HIP1R: variants seen among roughly 807,000 people sequenced by gnomAD.
The protein encoded by HIP1R is huntingtin interacting protein 1 related.
A neutral mutation model predicts 144.2 loss-of-function variants in HIP1R; 135 were observed. The ratio of observed to expected loss-of-function variants is 0.94; its 90% CI spans 0.81 to 1.08. HIP1R has a LOEUF of 1.08. HIP1R is among the 50% of genes least tolerant of loss of function. The pLI, the probability that HIP1R is intolerant of heterozygous loss-of-function variation, is 0.00. For missense variants in HIP1R, 1,462 were observed against 1,432.8 expected (o/e 1.02, Z -0.33); for synonymous variants, 698 against 612.8 (o/e 1.14, Z -2.05).
In HIP1R at chr12:122,856,344, G is replaced by A. The variant is rs1490034709; in HGVS notation, c.1401G>A (p.Lys467=). 30 of 1,613,688 alleles carry A rather than the reference G, an allele frequency of 1.9e-5. No individual in the cohort carries two copies. The highest frequency in any genetic ancestry group is 2.5e-5 in the Non-Finnish European group (29 of 1,179,964). ...ATGTGCACGCGGAGCTGCTCAGAAAGGTAGGTGCAGCCCATCCTCCATCCC... is the reference window on the plus strand; with the variant it reads ...ATGTGCACGCGGAGCTGCTCAGAAAAGTAGGTGCAGCCCATCCTCCATCCC... The part of the protein sequence containing the change: ...LVHVHAELLR[K]NADTAKQLTV... Residue 467 remains lysine, a splice_region_variant and synonymous_variant, in exon 15 of 32, where the codon AAG becomes AAA. Transcript: ENST00000253083.
At chr12:122,858,707 CT>C in intron 20 of HIP1R, 130 bp from the exon 21 acceptor site, 2 of 738,710 alleles carry the variant, frequency 2.7e-6, no homozygotes, top group Non-Finnish European at 4.7e-6. Flanking sequence ...CCACTGCCTC[CT>C]GGACGTTGTC....
At chr12:122,841,372 T>C (rs1346451609) in intron 1 of HIP1R, among the ~76,000 whole-genome samples, 1 of 152,064 alleles carries the variant, frequency 6.6e-6, no homozygotes, top group Non-Finnish European at 1.5e-5. Context: ...GAGTGTGTCA[T>C]CTCCTTGCCG....
chr12:122,861,090 G>T, intron 29 of HIP1R, 41 bp from the exon 30 acceptor site: 1 of 1,613,572 alleles, frequency 6.2e-7, no homozygotes, highest in Non-Finnish European at 8.5e-7. Context: ...CTGAATGGGG[G>T]TGGGTGCCCA....
chr12:122,860,589 A>C, intron 27 of HIP1R, 66 bp downstream of exon 27: 1 of 1,571,006 alleles, frequency 6.4e-7, no homozygotes, highest in Non-Finnish European at 8.8e-7. Context: ...TTTGGGGTTC[A>C]ACAGGGTGCA....
In HIP1R at chr12:122,848,028, C is replaced by G; in HGVS notation, c.94-3C>G. Reference sequence around the variant, plus strand: ...CTAAACACTGCTCCTTTGTCCCTCACAGGCCATCAGCATCAGCAAAGCCAT... The same window carrying G: ...CTAAACACTGCTCCTTTGTCCCTCAGAGGCCATCAGCATCAGCAAAGCCAT... On this transcript the variant is annotated splice_polypyrimidine_tract_variant and splice_region_variant and intron_variant, in intron 1 of 31. Coordinates refer to ENST00000253083, the MANE Select transcript of HIP1R (RefSeq NM_003959.3). 6.2e-7 allele frequency: 1 copy of G among 1,613,578 alleles called. No homozygotes were observed. The highest frequency in any genetic ancestry group is 1.7e-5 in the Admixed American group (1 of 60,018).
intron 2 of HIP1R, 130 bp downstream of exon 2, chr12:122,848,224 G>A (rs2033267136): frequency 3.8e-6 from 4 of 1,039,132 alleles, no homozygotes; most frequent in African/African-American, 1.6e-5. Context: ...GGAGGGTCCT[G>A]TGCAGCTTGG....
Position 122,856,954 on chromosome 12 carries a change from C to T in HIP1R, c.1621-67C>T, listed in dbSNP as rs544278319. 47 of 1,043,626 alleles carry T rather than the reference C, an allele frequency of 4.5e-5. No homozygotes were observed. In the East Asian group the frequency reaches 6.4e-4, roughly 14 times the overall value. The allele number at this position is 1,043,626 out of a possible 1,614,324, so 64.6% of individuals were successfully genotyped here. On this transcript the variant is annotated intron_variant, in intron 17 of 31. Coordinates refer to ENST00000253083, the MANE Select transcript of HIP1R (RefSeq NM_003959.3). ...TAACCCCCAGGGCCCAGTTTATAAG[C>T]GTGGGGGCAGGGTGGGTGGGGCCTG...
rs1477863301 is a variant in HIP1R at position 122,855,861 on chromosome 12, G to A, written c.1086G>A (p.Glu362=). ...RDLQIESLKR[E]VEMLRSELEK... ...TCCAGATTGAGAGCTTGAAGAGAGA[G>A]GTGGAAATGCTCCGCTCTGAACTGG... The change falls in exon 13 of 32, where the codon GAG becomes GAA. Residue 362 remains glutamate (E), a synonymous_variant. Transcript: ENST00000253083. 2 of 1,566,842 alleles carry A rather than the reference G, an allele frequency of 1.3e-6. No individual in the cohort carries two copies. The highest frequency in any genetic ancestry group is 1.9e-5 in the Admixed American group (1 of 52,916).
intron 10 of HIP1R, 22 bp from the exon 11 acceptor site, chr12:122,855,243 G>A: frequency 3.1e-6 from 5 of 1,612,470 alleles, no homozygotes; most frequent in South Asian, 1.1e-5. Flanking sequence ...AGCTGAGCAG[G>A]TCCCACCTGC....
chr12:122,860,993 T>C lies in HIP1R; in HGVS notation c.2844T>C (p.Asn948=), dbSNP rs558614129. Reference sequence around the variant, plus strand: ...GCACAGTCAATGAGAGGGCTGCCAATGTGGTGGCCTCCACCAAGTCAGGCC... The same window carrying C: ...GCACAGTCAATGAGAGGGCTGCCAACGTGGTGGCCTCCACCAAGTCAGGCC... The part of the protein sequence containing the change: ...CSRTVNERAA[N]VVASTKSGQE... Residue 948 remains asparagine (N), a synonymous_variant, in exon 29 of 32, where the codon AAT becomes AAC. Transcript: ENST00000253083. The C allele has an allele frequency of 6.7e-5, 108 of 1,613,502 alleles. 1 individual carries two copies. In the East Asian group the frequency reaches 2.1e-3, roughly 31 times the overall value.
At chr12:122,834,892 A>G, upstream of HIP1R, 1 of 1,172,168 alleles carries the variant, frequency 8.5e-7, no homozygotes, top group Non-Finnish European at 1.1e-6. Context: ...CTTTTGACAC[A>G]TACATTAAGA....
At chr12:122,849,978 G>T in intron 5 of HIP1R, 23 bp downstream of exon 5, 6 of 1,550,616 alleles carry the variant, frequency 3.9e-6, no homozygotes, top group Non-Finnish European at 4.5e-6. Context: ...GGGGAGTCAT[G>T]GGGCTGAGGG....
chr12:122,838,721 C>T (rs1250571979), intron 1 of HIP1R, among the ~76,000 whole-genome samples: 2 of 152,130 alleles, frequency 1.3e-5, no homozygotes, highest in Admixed American at 1.3e-4. Flanking sequence ...TGAGATGGGG[C>T]GATTCTCCTG....
chr12:122,852,763 A>C (rs760422812), intron 7 of HIP1R, among the ~76,000 whole-genome samples: 1 of 152,094 alleles, frequency 6.6e-6, no homozygotes, highest in Non-Finnish European at 1.5e-5. Context: ...CGAATCTGGG[A>C]TGGCCGGGAA....
At position 122,859,090 on chromosome 12, in the gene HIP1R, G is replaced by C. The variant is rs773201634; in HGVS notation, c.2188G>C (p.Ala730Pro). 6.2e-7 allele frequency: 1 copy of C among 1,604,018 alleles called. No individual in the cohort carries two copies. The highest frequency in any genetic ancestry group is 1.1e-5 in the South Asian group (1 of 89,754). Reference protein sequence around the residue: ...RLIDTCRECGARALELMGQLQ... With the variant: ...RLIDTCRECGPRALELMGQLQ... ...CATAGACACCTGCAGGGAGTGCGGG[G>C]CCCGGGCTCTGGAGCTCATGGGGCA... The change falls in exon 22 of 32, where the codon GCC becomes CCC. Residue 730 changes from alanine (A) to proline (P), a missense_variant. This residue lies in a region of HIP1R where 1,112 missense variants were observed against 1,011.7 expected (regional missense o/e 1.10). Transcript: ENST00000253083.
chr12:122,848,792 G>A lies in HIP1R; in HGVS notation c.301-4G>A, dbSNP rs1269771471. The A allele has an allele frequency of 1.9e-6, 3 of 1,613,220 alleles. No homozygotes were observed. The highest frequency in any genetic ancestry group is 2.5e-6 in the Non-Finnish European group (3 of 1,179,992). ...CCCCCACTCCCGTATTCCCTGCGCT[G>A]CAGGTGCTGCATGACTGCCAGCGGT... is the stretch of plus-strand genomic sequence containing the variant. On this transcript the variant is annotated splice_region_variant and splice_polypyrimidine_tract_variant and intron_variant, in intron 3 of 31. Transcript: ENST00000253083.
At chr12:122,842,143 C>T (rs2033075670) in intron 1 of HIP1R, among the ~76,000 whole-genome samples, 1 of 152,168 alleles carries the variant, frequency 6.6e-6, no homozygotes, top group African/African-American at 2.4e-5. Flanking sequence ...AATGAGATCT[C>T]TCTGTCCTTC....
intron 2 of HIP1R, 116 bp downstream of exon 2, chr12:122,848,210 G>T (rs2033267003): frequency 8.6e-7 from 1 of 1,159,070 alleles, no homozygotes; most frequent in African/African-American, 1.5e-5. Context: ...ACTGAGCCCG[G>T]GGAGGAGGGT....
rs1195013547 is a variant in HIP1R, at chr12:122,856,332, G to C, written c.1389G>C (p.Glu463Asp). 1 of 1,613,762 alleles carries C rather than the reference G, an allele frequency of 6.2e-7. No individual in the cohort carries two copies. Among genetic ancestry groups the C allele is most frequent in the Non-Finnish European group, 8.5e-7 (1 of 1,180,006 alleles). The change falls in exon 15 of 32, where the codon GAG becomes GAC. Residue 463 changes from glutamate to aspartate, a missense_variant. Glu to Asp is a conservative substitution (Grantham distance 45). Around this residue, in one of 2 missense-constraint regions of HIP1R, gnomAD observed 1,112 missense variants for 1,011.7 expected, o/e 1.10. Coordinates refer to ENST00000253083, the MANE Select transcript of HIP1R (RefSeq NM_003959.3). ...KHSELVHVHA[E>D]LLRKNADTAK... The stretch of plus-strand genomic sequence containing the variant: ...GTGAGCTCGTCCATGTGCACGCGGA[G>C]CTGCTCAGAAAGGTAGGTGCAGCCC...
Sources: allele counts gnomAD v4.1 joint callset (sites outside exome capture counted in the v4.1 genomes callset), GRCh38; gene constraint gnomAD v4.1.1; regional missense constraint gnomAD v4.1.1; transcripts MANE v1.5; gene names NCBI Gene and HGNC (gene_info 2026-07-23, HGNC 2026-07-21).